The following DIAPH2 variants were observed in gnomAD, a reference collection of about 807,000 sequenced individuals.
DIAPH2 encodes diaphanous related formin 2.
In DIAPH2, 35 loss-of-function variants were observed where a neutral mutation model predicts 92.7. The ratio of observed to expected loss-of-function variants is 0.38; its 90% CI spans 0.29 to 0.50. The LOEUF is 0.50. DIAPH2 is among the 20% of genes least tolerant of loss of function. The pLI, the probability that DIAPH2 is intolerant of heterozygous loss-of-function variation, is 0.94. For synonymous variants in DIAPH2, 301 were observed against 280.4 expected, an observed-to-expected ratio of 1.07 and a Z score of -0.73; for missense variants, 701 against 819.5, an observed-to-expected ratio of 0.86 and a Z score of 1.77.
intron 24 of DIAPH2, among the ~76,000 whole-genome samples, chrX:97,351,937 G>T (rs1309996285): frequency 1.8e-5 from 2 of 111,298 alleles, no homozygotes; most frequent in African/African-American, 6.5e-5. Flanking sequence ...ACCAACTTCA[G>T]TCAATCCTTT....
At chrX:97,419,189 A>G (rs905957964) in intron 25 of DIAPH2, among the ~76,000 whole-genome samples, 11 of 111,704 alleles carry the variant, frequency 9.8e-5, no homozygotes, top group Admixed American at 3.8e-4. Flanking sequence ...CCTCCTGAGT[A>G]GTGGAGGCTA....
chrX:97,107,952 C>G (rs150841567), intron 20 of DIAPH2, among the ~76,000 whole-genome samples: 19 of 109,622 alleles, frequency 1.7e-4, no homozygotes, highest in East Asian at 2.9e-4. Context: ...ATAGGAGTGC[C>G]ATGTGGCCAT....
rs2071586408 is a variant in DIAPH2 at position 97,600,457 on chromosome X, A to G, written c.*1140A>G. 9.0e-6 allele frequency: 1 copy of G among 111,147 alleles called. No homozygotes were observed. Among genetic ancestry groups the G allele is most frequent in the Admixed American group, 9.6e-5 (1 of 10,448 alleles). The allele number at this position is 111,147 out of a possible 1,213,427, so 9.2% of individuals were successfully genotyped here. A position where few individuals can be genotyped will look rare whatever the true frequency, so the allele number is the denominator to read the frequency against. On this transcript the variant is annotated 3_prime_UTR_variant, in exon 27 of 27. Coordinates refer to ENST00000324765, the MANE Select transcript of DIAPH2 (RefSeq NM_006729.5). Reference sequence around the variant, plus strand: ...GTATATATTTCTATCTCTTGCTACAATAATTCCAACTAAGTGAACTTCTCA... The same window carrying G: ...GTATATATTTCTATCTCTTGCTACAGTAATTCCAACTAAGTGAACTTCTCA...
chrX:97,247,579 C>T, intron 22 of DIAPH2, 136 bp from the exon 23 acceptor site: 1 of 500,169 alleles, frequency 2.0e-6, no homozygotes, highest in Non-Finnish European at 3.2e-6. Context: ...AGCAGTAATT[C>T]AGAAAAATGT....
At chrX:97,343,601 G>A (rs1402174564) in intron 23 of DIAPH2, among the ~76,000 whole-genome samples, 3 of 109,978 alleles carry the variant, frequency 2.7e-5, no homozygotes, top group Admixed American at 9.7e-5. Flanking sequence ...CCCGGGAGGC[G>A]GAGGTTGCAG....
At chrX:96,782,452 C>T (rs2147626909) in intron 4 of DIAPH2, among the ~76,000 whole-genome samples, 1 of 112,422 alleles carries the variant, frequency 8.9e-6, no homozygotes, top group East Asian at 2.8e-4. Context: ...CTCACCACCA[C>T]ACCCGGCTAA....
intron 17 of DIAPH2, among the ~76,000 whole-genome samples, chrX:97,017,287 T>G (rs1201316986): frequency 8.9e-6 from 1 of 111,993 alleles, no homozygotes; most frequent in Non-Finnish European, 1.9e-5. Context: ...TATACATTAG[T>G]TGTTTAGAAT....
At chrX:97,506,821 G>A (rs1392914429) in intron 26 of DIAPH2, among the ~76,000 whole-genome samples, 1 of 111,089 alleles carries the variant, frequency 9.0e-6, no homozygotes, top group Non-Finnish European at 1.9e-5. Flanking sequence ...TGCTATCTTT[G>A]TTGTTTTCAC....
In DIAPH2 at chrX:97,508,124, C is replaced by G. The variant is rs952977963; in HGVS notation, c.3241+78379C>G. ...ACCAGCAAGCAATTTCTTGTACTGT[C>G]CTTTATCTTTTAAATATTAAAAATT... On this transcript the variant is annotated intron_variant, in intron 26 of 26. Transcript: ENST00000324765. 5.8e-4 allele frequency among the ~76,000 whole-genome samples: 64 copies of G among 111,173 alleles called. 1 individual carries two copies. The Admixed American group carries it at 6.2e-3, about 11-fold the overall frequency.
intron 22 of DIAPH2, among the ~76,000 whole-genome samples, chrX:97,225,720 A>G (rs2067959941): frequency 1.8e-5 from 2 of 111,491 alleles, no homozygotes; most frequent in Admixed American, 1.9e-4. Flanking sequence ...ACATGACCTC[A>G]ACTCCCATAA....
chrX:96,995,349 G>A (rs1054975309), intron 17 of DIAPH2, among the ~76,000 whole-genome samples: 1 of 111,554 alleles, frequency 9.0e-6, no homozygotes, highest in Non-Finnish European at 1.9e-5. Flanking sequence ...AATACAGGAG[G>A]AATGTAACGT....
chrX:96,788,235 G>A (rs960880880), intron 4 of DIAPH2, among the ~76,000 whole-genome samples: 6 of 111,348 alleles, frequency 5.4e-5, no homozygotes, highest in Non-Finnish European at 7.5e-5. Flanking sequence ...GATGTGTAAC[G>A]GCAGAGATCA....
chrX:96,781,316 A>T (rs2064416357), intron 4 of DIAPH2, among the ~76,000 whole-genome samples: 1 of 111,185 alleles, frequency 9.0e-6, no homozygotes, highest in Admixed American at 9.6e-5. Context: ...GCAATACTCT[A>T]TTTCTGAGCT....
intron 1 of DIAPH2, 35 bp from the exon 2 acceptor site, chrX:96,735,723 G>T: frequency 1.2e-6 from 1 of 869,188 alleles, no homozygotes. Context: ...TTATCTGATG[G>T]GTTTTTTTTG....
chrX:96,906,139 A>C (rs1021739485), intron 5 of DIAPH2, among the ~76,000 whole-genome samples: 6 of 112,380 alleles, frequency 5.3e-5, no homozygotes, highest in Non-Finnish European at 1.1e-4. Context: ...AAAACAAAAA[A>C]AAGAGGTAAT....
chrX:97,193,008 T>C lies in DIAPH2; in HGVS notation c.2719+51214T>C, dbSNP rs1224218499. On this transcript the variant is annotated intron_variant, in intron 22 of 26. Coordinates refer to ENST00000324765, the MANE Select transcript of DIAPH2 (RefSeq NM_006729.5). Reference sequence around the variant, plus strand: ...CATTATTTCTTTCTTTTTCTTTTTCTTTTCTTTTTTTTTTTTTTTTTTGAG... The same window carrying C: ...CATTATTTCTTTCTTTTTCTTTTTCCTTTCTTTTTTTTTTTTTTTTTTGAG... 4.4e-5 allele frequency among the ~76,000 whole-genome samples: 4 copies of C among 91,734 alleles called. 1 individual carries two copies. The highest frequency in any genetic ancestry group is 8.4e-4 in the South Asian group (2 of 2,393). 79.7% of individuals were successfully genotyped at this position (91,734 alleles called of 115,157 possible).
intron 3 of DIAPH2, among the ~76,000 whole-genome samples, chrX:96,756,592 C>T (rs6620153): frequency 0.16 from 17,469 of 110,705 alleles, 1,197 homozygotes; most frequent in East Asian, 0.32. Flanking sequence ...TATGAACATT[C>T]GTGTGCAAGT....
At chrX:97,598,756 A>AATC (rs780269471) in intron 26 of DIAPH2, among the ~76,000 whole-genome samples, 6 of 111,659 alleles carry the variant, frequency 5.4e-5, no homozygotes, top group Non-Finnish European at 9.4e-5. Context: ...TACATCATAC[A>AATC]ATCAAGCAAA....
At chrX:97,181,057 TTTG>T (rs764200751) in intron 22 of DIAPH2, among the ~76,000 whole-genome samples, 79 of 110,313 alleles carry the variant, frequency 7.2e-4, no homozygotes, top group African/African-American at 1.2e-3. Context: ...CAATGGCAGT[TTTG>T]TTGTTGTTGT....
Sources: gnomAD v4.1 joint callset for allele counts (sites outside exome capture counted in the v4.1 genomes callset) on GRCh38, gnomAD v4.1.1 for gene constraint, MANE v1.5 for transcripts, NCBI Gene and HGNC (gene_info 2026-07-23, HGNC 2026-07-21) for gene names.